OPHN1: variants seen among roughly 807,000 people sequenced by gnomAD.
OPHN1 encodes oligophrenin-1.
In OPHN1, 11 loss-of-function variants were observed where a neutral mutation model predicts 60.7. That is an observed-to-expected ratio of 0.18 (90% confidence interval 0.11 to 0.30). OPHN1 has a LOEUF of 0.30. Ranked by LOEUF, OPHN1 falls within the 10% of genes least tolerant of loss-of-function variation. OPHN1 has a pLI of 1.00. For missense variants in OPHN1, 449 were observed against 611.0 expected, an observed-to-expected ratio of 0.73 and a Z score of 2.80; for synonymous variants, 226 against 222.6, an observed-to-expected ratio of 1.02 and a Z score of -0.14.
At chrX:68,287,337 TAA>T (rs369103492) in intron 3 of OPHN1, among the ~76,000 whole-genome samples, 8 of 70,319 alleles carry the variant, frequency 1.1e-4, no homozygotes, top group African/African-American at 3.9e-4. Flanking sequence ...GAAAAGAAAT[TAA>T]AAAAAAAAAA....
chrX:68,333,684 CACAG>C (rs1346938551), intron 2 of OPHN1, among the ~76,000 whole-genome samples: 4 of 109,965 alleles, frequency 3.6e-5, no homozygotes, highest in African/African-American at 9.9e-5. Context: ...CACACACACA[CACAG>C]ACACACACAC....
At chrX:68,110,827 G>C (rs1300919898) in intron 18 of OPHN1, among the ~76,000 whole-genome samples, 2 of 111,828 alleles carry the variant, frequency 1.8e-5, no homozygotes, top group Non-Finnish European at 3.8e-5. Context: ...ATTTGCTATA[G>C]AAGTGTAGAA....
At chrX:68,070,604 T>G (rs879182516) in intron 20 of OPHN1, 1 of 682,041 alleles carries the variant, frequency 1.5e-6, no homozygotes, top group African/African-American at 2.1e-5. Context: ...TGCTCACATG[T>G]CTGATTTTAT....
At chrX:68,390,107 T>C (rs961224247) in intron 2 of OPHN1, among the ~76,000 whole-genome samples, 1 of 110,824 alleles carries the variant, frequency 9.0e-6, no homozygotes, top group Non-Finnish European at 1.9e-5. Context: ...ATCACAAGAA[T>C]AGCAGCATGG....
intron 16 of OPHN1, among the ~76,000 whole-genome samples, chrX:68,117,032 A>G (rs187317070): frequency 9.0e-6 from 1 of 111,628 alleles, no homozygotes; most frequent in African/African-American, 3.2e-5. Context: ...CAAAATACAA[A>G]TCTCAATATG....
In OPHN1 at chrX:68,197,274, A is replaced by G. The variant is rs762846783; in HGVS notation, c.1026-10T>C. On this transcript the variant is annotated splice_polypyrimidine_tract_variant and intron_variant, in intron 11 of 24. Transcript: ENST00000355520. Reference sequence around the variant, plus strand: ...AGTGATGGTTCCTGGCCTGAGGGGGAAAAAAATGGTAAGTATAAAGCAGAA... The same window carrying G: ...AGTGATGGTTCCTGGCCTGAGGGGGGAAAAAATGGTAAGTATAAAGCAGAA... The G allele has an allele frequency of 4.1e-5, 48 of 1,176,813 alleles. No homozygotes were observed. The East Asian group carries it at 6.3e-4, about 15-fold the overall frequency.
At chrX:68,200,430 T>A in intron 11 of OPHN1, among the ~76,000 whole-genome samples, 1 of 111,391 alleles carries the variant, frequency 9.0e-6, no homozygotes, top group East Asian at 2.8e-4. Context: ...ACAAACTGTT[T>A]GCAACTGCTT....
At chrX:68,372,106 G>T (rs900313546) in intron 2 of OPHN1, among the ~76,000 whole-genome samples, 1 of 112,125 alleles carries the variant, frequency 8.9e-6, no homozygotes, top group African/African-American at 3.2e-5. Flanking sequence ...ACTCACTTTT[G>T]ACCCAAAGAC....
rs1286007670 is a variant in OPHN1 at position 68,303,621 on chromosome X, C to T, written c.155-4525G>A. On this transcript the variant is annotated intron_variant, in intron 2 of 24. Coordinates refer to ENST00000355520, the MANE Select transcript of OPHN1 (RefSeq NM_002547.3). ...CGAGATCACGCCATTGCACTCCAGCCTGAACAACAAAAGTGAAATTTCATC... is the reference window on the plus strand; with the variant it reads ...CGAGATCACGCCATTGCACTCCAGCTTGAACAACAAAAGTGAAATTTCATC... 7.5e-5 allele frequency among the ~76,000 whole-genome samples: 8 copies of T among 106,624 alleles called. No individual in the cohort carries two copies. The Admixed American group carries it at 8.2e-4, about 11-fold the overall frequency. The allele number at this position is 106,624 out of a possible 115,157, so 92.6% of individuals were successfully genotyped here. A position where few individuals can be genotyped will look rare whatever the true frequency, so the allele number is the denominator to read the frequency against.
rs183765589 is a variant in OPHN1 at position 68,247,172 on chromosome X, A to G, written c.385-12584T>C. Among the ~76,000 whole-genome samples, 1,037 of 111,306 alleles carry G rather than the reference A, an allele frequency of 9.3e-3. 4 individuals carry two copies. Among genetic ancestry groups the G allele is most frequent in the Non-Finnish European group, 0.016 (827 of 53,042 alleles). ...ATACAAGAAGATGTATCATCTTCTC[A>G]GTGGTGTCTTCTCTAAGTCTTCCTC... On this transcript the variant is annotated intron_variant, in intron 5 of 24. Coordinates refer to ENST00000355520, the MANE Select transcript of OPHN1 (RefSeq NM_002547.3).
chrX:68,168,223 C>T (rs12400400), intron 15 of OPHN1, among the ~76,000 whole-genome samples: 23,000 of 110,178 alleles, frequency 0.21, 2,125 homozygotes, highest in African/African-American at 0.3. Context: ...CCACACCACC[C>T]TTATTCCAAA....
At chrX:68,374,350 A>G (rs1164891403) in intron 2 of OPHN1, among the ~76,000 whole-genome samples, 2 of 93,904 alleles carry the variant, frequency 2.1e-5, no homozygotes, top group Non-Finnish European at 4.0e-5. Context: ...GTGAGACTCC[A>G]TCTCAAAAAA....
chrX:68,420,847 G>GAAA (rs34592755), intron 2 of OPHN1, among the ~76,000 whole-genome samples: 11 of 64,992 alleles, frequency 1.7e-4, no homozygotes, highest in African/African-American at 5.7e-4. Context: ...ATTCTCAACA[G>GAAA]AAAAAAAAAA....
rs1329841635 is a variant in OPHN1, at chrX:68,044,815, C to T, written c.*2357G>A. ...CTGGTCCCCAGCTCTCCAAGATAGG[C>T]CCTTGATCTGTGTCCCAGGCAACAC... On this transcript the variant is annotated 3_prime_UTR_variant, in exon 25 of 25. Coordinates refer to ENST00000355520, the MANE Select transcript of OPHN1 (RefSeq NM_002547.3). The T allele has an allele frequency of 3.5e-5, 4 of 112,808 alleles. No individual in the cohort carries two copies. Among genetic ancestry groups the T allele is most frequent in the African/African-American group, 1.3e-4 (4 of 31,072 alleles). 9.3% of individuals were successfully genotyped at this position (112,808 alleles called of 1,213,427 possible).
chrX:68,237,107 T>C (rs2077756604), intron 5 of OPHN1, among the ~76,000 whole-genome samples: 1 of 111,763 alleles, frequency 8.9e-6, no homozygotes. Context: ...TGCCTCACCC[T>C]CCCAAGTAAC....
intron 5 of OPHN1, among the ~76,000 whole-genome samples, chrX:68,269,324 C>T (rs764349702): frequency 9.0e-6 from 1 of 111,623 alleles, no homozygotes; most frequent in East Asian, 2.8e-4. Flanking sequence ...ATCATGCTAC[C>T]TGACTTCAAA....
In OPHN1 at chrX:68,361,821, C is replaced by T. The variant is rs146646267; in HGVS notation, c.155-62725G>A. Among the ~76,000 whole-genome samples, 770 of 111,554 alleles carry T rather than the reference C, an allele frequency of 6.9e-3. 4 individuals are homozygous for T. Among genetic ancestry groups the T allele is most frequent in the Non-Finnish European group, 8.3e-3 (443 of 53,116 alleles). On this transcript the variant is annotated intron_variant, in intron 2 of 24. Transcript: ENST00000355520. Reference sequence around the variant, plus strand: ...AATATCATACTGTATTCAATAATGGCCATACTAATTAACATTCCCACAAAG... The same window carrying T: ...AATATCATACTGTATTCAATAATGGTCATACTAATTAACATTCCCACAAAG...
chrX:68,056,903 ATAATAG>A (rs2076875263), intron 21 of OPHN1, among the ~76,000 whole-genome samples: 1 of 111,720 alleles, frequency 9.0e-6, no homozygotes, highest in Non-Finnish European at 1.9e-5. Context: ...AATTATAATA[ATAATAG>A]TAATGGTAAT....
chrX:68,384,535 T>C lies in OPHN1; in HGVS notation c.154+48332A>G, dbSNP rs139592757. On this transcript the variant is annotated intron_variant, in intron 2 of 24. Transcript: ENST00000355520. ...AGGAGTTCGAGACCAGCCTGACCAG[T>C]ATGGTGAAACCCCATCTCTACTGAA... Among the ~76,000 whole-genome samples the C allele has an allele frequency of 4.1e-3, 456 of 111,535 alleles. 1 individual carries two copies. Among genetic ancestry groups the C allele is most frequent in the Non-Finnish European group, 6.6e-3 (349 of 53,096 alleles).
Sources: allele counts gnomAD v4.1 joint callset (sites outside exome capture counted in the v4.1 genomes callset), GRCh38; gene constraint gnomAD v4.1.1; transcripts MANE v1.5; gene names NCBI Gene and HGNC (gene_info 2026-07-23, HGNC 2026-07-21).